The following SACS variants were observed in gnomAD, a reference collection of about 807,000 sequenced individuals.
SACS encodes sacsin.
SACS carries 197 observed loss-of-function variants against 348.0 expected under a neutral mutation model. The observed-to-expected ratio is 0.57, with a 90% CI of 0.50 to 0.64. SACS has a LOEUF of 0.64. Ranked by LOEUF, SACS falls within the 30% of genes least tolerant of loss-of-function variation. The pLI is 0.00. For missense variants in SACS, 4,999 were observed against 5,360.8 expected, an observed-to-expected ratio of 0.93 and a Z score of 2.11; for synonymous variants, 1,985 against 1,910.6, an observed-to-expected ratio of 1.04 and a Z score of -1.02.
At chr13:23,353,678 C>G in intron 9 of SACS, 107 bp downstream of exon 9, 2 of 664,380 alleles carry the variant, frequency 3.0e-6, no homozygotes, top group South Asian at 1.9e-5. Flanking sequence ...TTAGCTTGAG[C>G]CATAAGAAAT....
At chr13:23,366,242 G>A (rs1871053106) in intron 5 of SACS, among the ~76,000 whole-genome samples, 1 of 152,182 alleles carries the variant, frequency 6.6e-6, no homozygotes, top group African/African-American at 2.4e-5. Flanking sequence ...ATGACTACAT[G>A]AAACAAAATA....
intron 2 of SACS, among the ~76,000 whole-genome samples, chr13:23,388,879 T>G (rs68185340): frequency 6.6e-6 from 1 of 151,780 alleles, no homozygotes; most frequent in East Asian, 1.9e-4. Context: ...CTAAAACTAT[T>G]AAAAATAAAT....
chr13:23,379,820 G>A (rs1326432591), intron 2 of SACS, among the ~76,000 whole-genome samples: 1 of 152,174 alleles, frequency 6.6e-6, no homozygotes, highest in Non-Finnish European at 1.5e-5. Flanking sequence ...GACATTAGTT[G>A]CTGCCAACTG....
At chr13:23,348,036 C>A (rs527908897) in intron 9 of SACS, among the ~76,000 whole-genome samples, 4 of 152,306 alleles carry the variant, frequency 2.6e-5, no homozygotes, top group Admixed American at 6.5e-5. Flanking sequence ...TAAGACCCGA[C>A]ACCAAGCATC....
chr13:23,408,833 T>C (rs1309461782), intron 2 of SACS, among the ~76,000 whole-genome samples: 11 of 150,998 alleles, frequency 7.3e-5, no homozygotes, highest in South Asian at 2.1e-4. Context: ...GGCGTGGTGG[T>C]GGGCACCTGT....
intron 2 of SACS, among the ~76,000 whole-genome samples, chr13:23,396,555 A>C (rs547504860): frequency 6.6e-6 from 1 of 152,274 alleles, no homozygotes; most frequent in South Asian, 2.1e-4. Flanking sequence ...GTTTAAGATT[A>C]ATTTTTAAAT....
chr13:23,332,674 T>G lies in SACS; in HGVS notation c.11202A>C (p.Leu3734Phe). 1 of 1,613,902 alleles carries G rather than the reference T, an allele frequency of 6.2e-7. No homozygotes were observed. Among genetic ancestry groups the G allele is most frequent in the South Asian group, 1.1e-5 (1 of 91,080 alleles). Reference protein sequence around the residue: ...LGPQEQLEQVLNMLNVNLDPP... With the variant: ...LGPQEQLEQVFNMLNVNLDPP... ...GATCCAGGTTAACATTAAGCATATT[T>G]AAAACTTGTTCAAGCTGTTCTTGTG... Residue 3734 changes from leucine (L) to phenylalanine (F), a missense_variant, in exon 10 of 10, where the codon TTA becomes TTC. Coordinates refer to ENST00000382292, the MANE Select transcript of SACS (RefSeq NM_014363.6).
At position 23,331,688 on chromosome 13, in the gene SACS, T is replaced by A. The variant is rs577901994; in HGVS notation, c.12188A>T (p.Asn4063Ile). The change falls in exon 10 of 10, where the codon AAT (asparagine) becomes ATT (isoleucine). Residue 4063 changes from asparagine (N) to isoleucine (I), a missense_variant. Physicochemically the swap from Asn to Ile is moderately radical, Grantham distance 149 (BLOSUM62 -3). Coordinates refer to ENST00000382292, the MANE Select transcript of SACS (RefSeq NM_014363.6). ...LQTTLRVKGFNPIPHSRSETF... is the reference protein window; with the variant it reads ...LQTTLRVKGFIPIPHSRSETF... Reference sequence around the variant, plus strand: ...TTCACTTCTGCTGTGGGGAATAGGATTAAAACCTTTAACTCTTAATGTTGT... The same window carrying A: ...TTCACTTCTGCTGTGGGGAATAGGAATAAAACCTTTAACTCTTAATGTTGT... 6.2e-7 allele frequency: 1 copy of A among 1,613,982 alleles called. No individual in the cohort carries two copies. The highest frequency in any genetic ancestry group is 1.1e-5 in the South Asian group (1 of 91,080).
At chr13:23,368,915 G>A (rs1593156193) in intron 4 of SACS, among the ~76,000 whole-genome samples, 1 of 152,040 alleles carries the variant, frequency 6.6e-6, no homozygotes, top group African/African-American at 2.4e-5. Flanking sequence ...TAGCCAGGAT[G>A]GTCTTGATCT....
At chr13:23,409,354 G>GC (rs1491127250) in intron 2 of SACS, among the ~76,000 whole-genome samples, 2 of 105,664 alleles carry the variant, frequency 1.9e-5, no homozygotes, top group Non-Finnish European at 3.8e-5. Context: ...CGCGCTGGCC[G>GC]TTTTTTTTTT....
intron 9 of SACS, among the ~76,000 whole-genome samples, chr13:23,345,409 G>A (rs1241320139): frequency 6.6e-6 from 1 of 152,150 alleles, no homozygotes; most frequent in Non-Finnish European, 1.5e-5. Context: ...CAGGTCCCAG[G>A]GCCCAGCATA....
chr13:23,408,476 C>T (rs1402465038), intron 2 of SACS, among the ~76,000 whole-genome samples: 1 of 152,242 alleles, frequency 6.6e-6, no homozygotes, highest in African/African-American at 2.4e-5. Context: ...TATCTGCTTT[C>T]ATTTCATTGT....
At chr13:23,418,987 T>C (rs141294908) in intron 1 of SACS, 323 of 152,386 alleles carry the variant, frequency 2.1e-3, no homozygotes, top group African/African-American at 7.2e-3. Context: ...GCCCAGTTGG[T>C]GCTGAGTAAG....
intron 2 of SACS, among the ~76,000 whole-genome samples, chr13:23,385,547 G>A (rs933237213): frequency 3.3e-5 from 5 of 152,004 alleles, no homozygotes; most frequent in African/African-American, 1.2e-4. Flanking sequence ...TAGTAGTGAT[G>A]AGGTTTCATC....
At position 23,337,701 on chromosome 13, in the gene SACS, C is replaced by G. The variant is rs778393318; in HGVS notation, c.6175G>C (p.Glu2059Gln). ...TCTTGAATATTTGGAAAAAACACTT[C>G]AGAAAAAAACTGTTTCTCTGAAAAT... ...NTFSEKQFFS[E>Q]VFFPNIQEIE... The change falls in exon 10 of 10, where the codon GAA becomes CAA. Residue 2059 changes from glutamate (E) to glutamine (Q), a missense_variant. By Grantham distance (29) the Glu-to-Gln change is conservative (BLOSUM62 2). Around this residue, in one of 6 missense-constraint regions of SACS, gnomAD observed 3,156 missense variants for 3,380.1 expected, o/e 0.93. Coordinates refer to ENST00000382292, the MANE Select transcript of SACS (RefSeq NM_014363.6). The G allele has an allele frequency of 1.7e-5, 27 of 1,612,694 alleles. No individual in the cohort carries two copies. The highest frequency in any genetic ancestry group is 2.2e-5 in the Non-Finnish European group (26 of 1,179,624).
At chr13:23,387,812 T>C (rs145037103) in intron 2 of SACS, among the ~76,000 whole-genome samples, 6 of 152,212 alleles carry the variant, frequency 3.9e-5, no homozygotes, top group Non-Finnish European at 8.8e-5. Flanking sequence ...ACATGATCTA[T>C]GGATCCAGAG....
chr13:23,396,635 C>T (rs1435120379), intron 2 of SACS, among the ~76,000 whole-genome samples: 3 of 152,042 alleles, frequency 2.0e-5, no homozygotes, highest in African/African-American at 4.8e-5. Flanking sequence ...ACATACATTA[C>T]TTCATATATA....
In SACS at chr13:23,334,904, C is replaced by T. The variant is rs192610957; in HGVS notation, c.8972G>A (p.Arg2991His). 5.5e-4 allele frequency: 891 copies of T among 1,613,766 alleles called. No homozygotes were observed. The highest frequency in any genetic ancestry group is 3.1e-4 in the Non-Finnish European group (363 of 1,179,820). The change falls in exon 10 of 10, where the codon CGT becomes CAT. Residue 2991 changes from arginine to histidine, a missense_variant. Arg to His is a conservative substitution (Grantham distance 29). Transcript: ENST00000382292. The stretch of plus-strand genomic sequence containing the variant: ...TGGAGCCCGCACAACAGGTAAAAGA[C>T]GTTTCATGTCTTCGTGAATGCAATT... ...LYNCIHEDMK[R>H]LLPVVRAPNI...
Position 23,411,363 on chromosome 13 carries a change from GA to G in SACS, c.-125del. On this transcript the variant is annotated 5_prime_UTR_variant, in exon 2 of 10. The change abolishes the stop of an existing upstream ORF in the 5' untranslated region. Coordinates refer to ENST00000382292, the MANE Select transcript of SACS (RefSeq NM_014363.6). ...CAAGTTCAGCTCTTCCTGCCAGGTG[GA>G]AAAAAAGCCTGTTTTTCCCTTCAGT... 2 of 878,360 alleles carry G rather than the reference GA, an allele frequency of 2.3e-6. No individual in the cohort carries two copies. The highest frequency in any genetic ancestry group is 3.8e-6 in the Non-Finnish European group (2 of 529,888). 54.4% of individuals were successfully genotyped at this position (878,360 alleles called of 1,614,324 possible). A position where few individuals can be genotyped will look rare whatever the true frequency, so the allele number is the denominator to read the frequency against.
Sources: allele counts gnomAD v4.1 joint callset (sites outside exome capture counted in the v4.1 genomes callset), GRCh38; gene constraint gnomAD v4.1.1; regional missense constraint gnomAD v4.1.1; transcripts MANE v1.5; gene names NCBI Gene and HGNC (gene_info 2026-07-23, HGNC 2026-07-21).